ALG9: variants seen among roughly 807,000 people sequenced by gnomAD.
ALG9 encodes ALG9 alpha-1,2-mannosyltransferase, also known as alpha-1,2-mannosyltransferase ALG9.
In ALG9, 55 loss-of-function variants were observed where a neutral mutation model predicts 81.8. That is an observed-to-expected ratio of 0.67 (90% CI 0.54 to 0.84). The LOEUF is 0.84. Among genes scored for constraint, ALG9 ranks in the 40% least tolerant of loss-of-function variants. The pLI is 0.00. For missense variants in ALG9, 629 were observed against 745.0 expected (o/e 0.84, Z 1.81); for synonymous variants, 278 against 274.3 (o/e 1.01, Z -0.13).
intron 13 of ALG9, among the ~76,000 whole-genome samples, chr11:111,833,389 A>C (rs1465192881): frequency 6.6e-6 from 1 of 152,230 alleles, no homozygotes; most frequent in African/African-American, 2.4e-5. Flanking sequence ...AATACCTACC[A>C]TGAAAAAATA....
At chr11:111,795,467 A>AT (rs1948121553) in intron 14 of ALG9, among the ~76,000 whole-genome samples, 1 of 152,162 alleles carries the variant, frequency 6.6e-6, no homozygotes, top group Non-Finnish European at 1.5e-5. Flanking sequence ...ATACTGCAAA[A>AT]GGTCCCATAA....
intron 2 of ALG9, among the ~76,000 whole-genome samples, chr11:111,869,517 G>A (rs1005557288): frequency 3.3e-5 from 5 of 152,028 alleles, no homozygotes; most frequent in South Asian, 2.1e-4. Context: ...AAGTGGAATA[G>A]AAAGCTACTG....
chr11:111,822,464 CA>C (rs1250681101), intron 13 of ALG9, among the ~76,000 whole-genome samples: 3 of 135,734 alleles, frequency 2.2e-5, no homozygotes, highest in African/African-American at 8.4e-5. Flanking sequence ...GTAATTGTAA[CA>C]CTTTGGGAGG....
intron 13 of ALG9, among the ~76,000 whole-genome samples, chr11:111,821,130 C>A (rs969655093): frequency 6.6e-6 from 1 of 152,116 alleles, no homozygotes; most frequent in African/African-American, 2.4e-5. Context: ...AAAAAGAAAT[C>A]CTATTGCATA....
intron 13 of ALG9, among the ~76,000 whole-genome samples, chr11:111,826,285 C>T (rs1555108418): frequency 6.6e-6 from 1 of 151,084 alleles, no homozygotes; most frequent in African/African-American, 2.4e-5. Context: ...ACTTGAGAGG[C>T]TGAGGTGGGA....
At chr11:111,775,762 T>C in the ALG9 span, among the ~76,000 whole-genome samples, 1 of 152,224 alleles carries the variant, frequency 6.6e-6, no homozygotes, top group Non-Finnish European at 1.5e-5. Context: ...GACTACATCC[T>C]GTTCTCATCT....
chr11:111,803,003 T>C (rs745504999), intron 14 of ALG9, among the ~76,000 whole-genome samples: 14 of 152,100 alleles, frequency 9.2e-5, no homozygotes, highest in Non-Finnish European at 1.5e-4. Flanking sequence ...CTCCCCAAAA[T>C]GCAATACTTC....
intron 8 of ALG9, among the ~76,000 whole-genome samples, chr11:111,848,751 A>G (rs782026936): frequency 1.3e-5 from 2 of 152,178 alleles, no homozygotes; most frequent in Non-Finnish European, 2.9e-5. Flanking sequence ...AAAGAACTCA[A>G]TATTCAATCT....
rs1421616277 is a variant in ALG9, at chr11:111,853,448, T to C, written c.827A>G (p.Lys276Arg). The C allele has an allele frequency of 3.7e-6, 6 of 1,613,992 alleles. No homozygotes were observed. The highest frequency in any genetic ancestry group is 1.3e-5 in the African/African-American group (1 of 74,922). Residue 276 changes from lysine (K) to arginine (R), a missense_variant, in exon 8 of 15, where the codon AAG becomes AGG. Lys to Arg is a conservative substitution (Grantham distance 26, BLOSUM62 2). Coordinates refer to ENST00000616540, the MANE Select transcript of ALG9 (RefSeq NM_024740.2). Reference sequence around the variant, plus strand: ...AATGTTGAGTGGTGCAATCACCAACTTCCCATAATAGTAGCTGTCAATGAC... The same window carrying C: ...AATGTTGAGTGGTGCAATCACCAACCTCCCATAATAGTAGCTGTCAATGAC... ...VVVIDSYYYG[K>R]LVIAPLNIVL... is the part of the protein sequence containing the mutation.
chr11:111,799,726 T>G (rs530716522), intron 14 of ALG9, among the ~76,000 whole-genome samples: 1 of 152,320 alleles, frequency 6.6e-6, no homozygotes, highest in African/African-American at 2.4e-5. Context: ...ATATTTCAAT[T>G]TATCCAGGAC....
the ALG9 span, among the ~76,000 whole-genome samples, chr11:111,769,710 T>C: frequency 3.7e-4 from 56 of 152,152 alleles, 1 homozygote; most frequent in Non-Finnish European, 2.9e-4. Context: ...GTTTTCGATA[T>C]TAACTCAAGC....
Position 111,786,003 on chromosome 11 carries a change from T to G in ALG9, c.*394A>C. 2.2e-6 allele frequency: 1 copy of G among 457,090 alleles called. No individual in the cohort carries two copies. The highest frequency in any genetic ancestry group is 6.9e-5 in the East Asian group (1 of 14,410). 28.3% of individuals were successfully genotyped at this position (457,090 alleles called of 1,614,324 possible). On this transcript the variant is annotated 3_prime_UTR_variant, in exon 15 of 15. Transcript: ENST00000616540. ...TAAGAGAGGCTTGCTAGTTCTCAGA[T>G]GCCAGGCCAGAGTGTGGAGAACAGC...
chr11:111,789,456 C>A (rs1947035626), intron 14 of ALG9, among the ~76,000 whole-genome samples: 1 of 151,622 alleles, frequency 6.6e-6, no homozygotes, highest in Non-Finnish European at 1.5e-5. Flanking sequence ...TCCAGGCTGG[C>A]CTTGAACTCC....
At chr11:111,819,826 T>C (rs1248273774) in intron 13 of ALG9, among the ~76,000 whole-genome samples, 1 of 152,178 alleles carries the variant, frequency 6.6e-6, no homozygotes, top group Non-Finnish European at 1.5e-5. Flanking sequence ...ATAAGCACAA[T>C]ACACCTGGTG....
intron 14 of ALG9, among the ~76,000 whole-genome samples, chr11:111,787,956 T>C (rs1170497883): frequency 6.6e-6 from 1 of 152,188 alleles, no homozygotes; most frequent in African/African-American, 2.4e-5. Flanking sequence ...TTAACCATTA[T>C]GGTTTATCAT....
rs1555118551 is a variant in ALG9 at position 111,837,469 on chromosome 11, T to C, written c.1471A>G (p.Asn491Asp). Residue 491 changes from asparagine to aspartate, a missense_variant and splice_region_variant, in exon 12 of 15, where the codon AAT becomes GAT. Transcript: ENST00000616540. ...CCTAGGAATTAAAGGACAACTTACTTGTCAGGAAGAAGGAAGCTGCTGGGA... is the reference window on the plus strand; with the variant it reads ...CCTAGGAATTAAAGGACAACTTACTCGTCAGGAAGAAGGAAGCTGCTGGGA... The part of the protein sequence containing the change: ...RFPSSFLLPD[N>D]WQLQFIPSEF... The C allele has an allele frequency of 3.1e-6, 5 of 1,613,982 alleles. No homozygotes were observed. Among genetic ancestry groups the C allele is most frequent in the Admixed American group, 1.7e-5 (1 of 60,012 alleles).
chr11:111,846,321 G>A (rs550586589), intron 8 of ALG9, among the ~76,000 whole-genome samples: 1 of 152,230 alleles, frequency 6.6e-6, no homozygotes, highest in East Asian at 1.9e-4. Context: ...AGACAGAAAA[G>A]GGGTTATCCT....
At chr11:111,806,879 TC>T (rs2136383002) in intron 14 of ALG9, among the ~76,000 whole-genome samples, 1 of 152,280 alleles carries the variant, frequency 6.6e-6, no homozygotes, top group Non-Finnish European at 1.5e-5. Context: ...TTGCAGTCTC[TC>T]CCATCTCAGT....
At chr11:111,797,895 A>G (rs614144) in intron 14 of ALG9, among the ~76,000 whole-genome samples, 3 of 151,994 alleles carry the variant, frequency 2.0e-5, no homozygotes, top group Admixed American at 1.3e-4. Context: ...AGCGTATATG[A>G]TATCAGCACA....
Sources: gnomAD v4.1 joint callset for allele counts (sites outside exome capture counted in the v4.1 genomes callset) on GRCh38, gnomAD v4.1.1 for gene constraint, MANE v1.5 for transcripts, NCBI Gene and HGNC (gene_info 2026-07-23, HGNC 2026-07-21) for gene names.